NFRKB: variants seen among roughly 807,000 people sequenced by gnomAD.
NFRKB encodes the protein nuclear factor related to kappaB binding protein, also known as nuclear factor related to kappa-B-binding protein.
NFRKB carries 62 observed loss-of-function variants against 135.7 expected under a neutral mutation model. The observed-to-expected ratio is 0.46, with a 90% CI of 0.37 to 0.56. The LOEUF (loss-of-function observed/expected upper bound fraction) is 0.56, where lower values mean the gene tolerates loss of function less well. NFRKB is among the 20% of genes least tolerant of loss of function. The pLI is 0.00. For missense variants in NFRKB, 1,545 were observed against 1,662.0 expected, an observed-to-expected ratio of 0.93 and a Z score of 1.22; for synonymous variants, 678 against 635.6, an observed-to-expected ratio of 1.07 and a Z score of -1.00.
At chr11:129,882,735 A>G (rs1565413826) in intron 9 of NFRKB, 104 bp from the exon 10 acceptor site, 5 of 1,191,912 alleles carry the variant, frequency 4.2e-6, no homozygotes, top group Non-Finnish European at 4.7e-6. Flanking sequence ...AAAGACAGAA[A>G]AGTCTCAGTA....
At chr11:129,888,179 G>A (rs1418335073) in intron 4 of NFRKB, 1 of 484,216 alleles carries the variant, frequency 2.1e-6, no homozygotes, top group Non-Finnish European at 3.7e-6. Context: ...GTGCTTGGCA[G>A]TGAAGTGTCA....
intron 25 of NFRKB, among the ~76,000 whole-genome samples, chr11:129,865,348 C>T (rs1051035421): frequency 5.9e-5 from 9 of 152,296 alleles, no homozygotes; most frequent in Non-Finnish European, 8.8e-5. Flanking sequence ...CTCCTGGCCC[C>T]GACCAGCAGG....
chr11:129,894,868 T>G (rs1949704221), intron 1 of NFRKB, among the ~76,000 whole-genome samples: 1 of 152,252 alleles, frequency 6.6e-6, no homozygotes, highest in Non-Finnish European at 1.5e-5. Context: ...GACTATCAAC[T>G]GCAAAGTCAG....
chr11:129,883,956 C>T (rs1464540058), intron 8 of NFRKB, 114 bp downstream of exon 8: 7 of 1,118,978 alleles, frequency 6.3e-6, no homozygotes, highest in South Asian at 5.0e-5. Context: ...CCTGTGCCCA[C>T]AGTGGTAGGG....
At chr11:129,892,055 AT>A (rs1419872876) in intron 3 of NFRKB, among the ~76,000 whole-genome samples, 1 of 146,250 alleles carries the variant, frequency 6.8e-6, no homozygotes, top group Non-Finnish European at 1.5e-5. Flanking sequence ...TTTTTTTTCT[AT>A]TTTTAATTAT....
intron 6 of NFRKB, 38 bp from the exon 7 acceptor site, chr11:129,884,884 T>C: frequency 2.5e-6 from 4 of 1,613,920 alleles, no homozygotes; most frequent in Non-Finnish European, 3.4e-6. Flanking sequence ...CCAACGTGGC[T>C]GTGGACTCCA....
rs1491575808 is a variant in NFRKB at position 129,881,276 on chromosome 11, TGA to T, written c.1384+165_1384+166del. Among the ~76,000 whole-genome samples the T allele has an allele frequency of 3.9e-5, 6 of 152,282 alleles. No individual in the cohort carries two copies. In the East Asian group the frequency reaches 5.8e-4, roughly 15 times the overall value. The stretch of plus-strand genomic sequence containing the variant: ...ACCAGAGGAGTTAGTTAACCCACCT[TGA>T]GAGTACAAAAAGGGTGTTGAAGGAC... On this transcript the variant is annotated intron_variant, in intron 13 of 26. Coordinates refer to ENST00000682444, the MANE Select transcript of NFRKB (RefSeq NM_001143835.2).
In NFRKB at chr11:129,875,354, T is replaced by C. The variant is rs1444352465; in HGVS notation, c.1854+3A>G. 2 of 1,606,732 alleles carry C rather than the reference T, an allele frequency of 1.2e-6. No individual in the cohort carries two copies. The highest frequency in any genetic ancestry group is 1.7e-6 in the Non-Finnish European group (2 of 1,174,922). ...AGCAAAAGTAATCTCTTCTCCGTCC[T>C]ACCTGAGTGCTGGTGACATCTGGTG... On this transcript the variant is annotated splice_donor_region_variant and intron_variant, in intron 18 of 26. Transcript: ENST00000682444.
At position 129,874,757 on chromosome 11, in the gene NFRKB, C is replaced by A. The variant is rs1948683400; in HGVS notation, c.1978+36G>T. The A allele has an allele frequency of 6.2e-7, 1 of 1,613,994 alleles. No individual in the cohort carries two copies. The highest frequency in any genetic ancestry group is 1.3e-5 in the African/African-American group (1 of 74,938). On this transcript the variant is annotated intron_variant, in intron 19 of 26. Transcript: ENST00000682444. The surrounding 1 kb of genome is among the most constrained non-coding windows in gnomAD (Gnocchi z 4.5). ...GGGGTAGAAAGTCAGAACGTATCCC[C>A]AGTCTGGTCGGACAGTGCCCAGAGG...
In NFRKB at chr11:129,874,235, T is replaced by G. The variant is rs753570695; in HGVS notation, c.2157A>C (p.Pro719=). Residue 719 remains proline, a synonymous_variant, in exon 21 of 27, where the codon CCA becomes CCC. Transcript: ENST00000682444. The surrounding 1 kb of genome is among the most constrained non-coding windows in gnomAD (Gnocchi z 4.5). ...SLSDSSMPPT[P]VTPVTPTTPA... is the part of the protein sequence containing the mutation. ...GTGTGGTGGGGGTTACAGGTGTGAC[T>G]GGGGTGGGTGGCATACTGGAGTCAC... 6.6e-7 allele frequency: 1 copy of G among 1,517,956 alleles called. No homozygotes were observed. The highest frequency in any genetic ancestry group is 8.8e-7 in the Non-Finnish European group (1 of 1,135,512). 94.0% of individuals were successfully genotyped at this position (1,517,956 alleles called of 1,614,324 possible). A position where few individuals can be genotyped will look rare whatever the true frequency, so the allele number is the denominator to read the frequency against.
intron 10 of NFRKB, 74 bp downstream of exon 10, chr11:129,882,377 C>A: frequency 6.5e-7 from 1 of 1,527,932 alleles, no homozygotes. Flanking sequence ...CTACGACAAG[C>A]CCTAGGGGCC....
chr11:129,869,716 C>T lies in NFRKB; in HGVS notation c.3309G>A (p.Gln1103=). 1 of 1,614,254 alleles carries T rather than the reference C, an allele frequency of 6.2e-7. No homozygotes were observed. Among genetic ancestry groups the T allele is most frequent in the Non-Finnish European group, 8.5e-7 (1 of 1,180,042 alleles). The change falls in exon 24 of 27, where the codon CAG becomes CAA. Residue 1103 remains glutamine, a synonymous_variant. Coordinates refer to ENST00000682444, the MANE Select transcript of NFRKB (RefSeq NM_001143835.2). The part of the protein sequence containing the change: ...GLGVMPPKAG[Q]TITVATHAKQ... ...TGGCGTGGGTTGCAACGGTGATGGT[C>T]TGGCCTGCTTTGGGAGGCATCACTC...
At position 129,873,816 on chromosome 11, in the gene NFRKB, A is replaced by G. The variant is rs1429199099; in HGVS notation, c.2479T>C (p.Leu827=). Reference sequence around the variant, plus strand: ...TGCGGTCCTGCTGGCATCTGTGGCAATGTCTGTGCCGGCCCTCCCGACTGC... The same window carrying G: ...TGCGGTCCTGCTGGCATCTGTGGCAGTGTCTGTGCCGGCCCTCCCGACTGC... ...PQQSGGPAQT[L]PQMPAGPQIR... is the part of the protein sequence containing the mutation. The change falls in exon 22 of 27, where the codon TTG becomes CTG. Residue 827 remains leucine (L), a synonymous_variant. Coordinates refer to ENST00000682444, the MANE Select transcript of NFRKB (RefSeq NM_001143835.2). 1.2e-6 allele frequency: 2 copies of G among 1,614,026 alleles called. No homozygotes were observed. The highest frequency in any genetic ancestry group is 1.7e-6 in the Non-Finnish European group (2 of 1,180,034).
chr11:129,874,195 T>C lies in NFRKB; in HGVS notation c.2197A>G (p.Ile733Val). Residue 733 changes from isoleucine to valine, a missense_variant, in exon 21 of 27, where the codon ATT (isoleucine) becomes GTT (valine). Coordinates refer to ENST00000682444, the MANE Select transcript of NFRKB (RefSeq NM_001143835.2). This position sits in a 1 kb window ranked among gnomAD's most constrained non-coding sequence, Gnocchi z 4.5. ...VTPTTPALPA[I>V]PISPPPVSAV... ...GATACAGGTGGAGGGGAGATGGGAA[T>C]GGCGGGCAATGCTGGTGTGGTGGGG... The C allele has an allele frequency of 6.6e-7, 1 of 1,519,434 alleles. No individual in the cohort carries two copies. Among genetic ancestry groups the C allele is most frequent in the South Asian group, 1.3e-5 (1 of 74,298 alleles). The allele number at this position is 1,519,434 out of a possible 1,614,324, so 94.1% of individuals were successfully genotyped here. A position where few individuals can be genotyped will look rare whatever the true frequency, so the allele number is the denominator to read the frequency against.
intron 22 of NFRKB, 56 bp from the exon 23 acceptor site, chr11:129,873,152 C>G: frequency 6.9e-7 from 1 of 1,454,772 alleles, no homozygotes; most frequent in South Asian, 1.3e-5. Context: ...CAGACCAGCA[C>G]TCTAAGCAAG....
intron 7 of NFRKB, among the ~76,000 whole-genome samples, 176 bp from the exon 8 acceptor site, chr11:129,884,319 T>C (rs1176936650): frequency 1.3e-5 from 2 of 152,200 alleles, no homozygotes; most frequent in Non-Finnish European, 2.9e-5. Flanking sequence ...GTTGGTAATA[T>C]ATGACTTCTG....
intron 25 of NFRKB, 60 bp downstream of exon 25, chr11:129,865,817 T>TA: frequency 6.7e-7 from 1 of 1,497,754 alleles, no homozygotes; most frequent in Non-Finnish European, 9.3e-7. Context: ...CAAGGACTGG[T>TA]AAGCCCTGCC....
At chr11:129,877,186 A>G in intron 16 of NFRKB, 139 bp downstream of exon 16, 1 of 899,258 alleles carries the variant, frequency 1.1e-6, no homozygotes, top group Non-Finnish European at 1.8e-6. Flanking sequence ...ACCCCCAACA[A>G]GTAATCCCAG....
At chr11:129,894,695 G>A (rs1361040916) in intron 1 of NFRKB, among the ~76,000 whole-genome samples, 3 of 152,214 alleles carry the variant, frequency 2.0e-5, no homozygotes, top group Non-Finnish European at 4.4e-5. Context: ...TTCAGCACAT[G>A]GTGAAATGAC....
Sources: gnomAD v4.1 joint callset for allele counts (sites outside exome capture counted in the v4.1 genomes callset) on GRCh38, gnomAD v4.1.1 for gene constraint, Gnocchi (gnomAD v3.1) non-coding constraint, MANE v1.5 for transcripts, NCBI Gene and HGNC (gene_info 2026-07-23, HGNC 2026-07-21) for gene names.